AK7: variants seen among roughly 807,000 people sequenced by gnomAD.
The protein encoded by AK7 is ATP-AMP transphosphorylase 7.
AK7 carries 78 observed loss-of-function variants against 96.6 expected under a neutral mutation model. The ratio of observed to expected loss-of-function variants is 0.81; its 90% CI spans 0.67 to 0.97. AK7 has a LOEUF of 0.97. AK7 is among the 50% of genes least tolerant of loss of function. AK7 has a pLI of 0.00. For synonymous variants in AK7, 302 were observed against 317.2 expected (o/e 0.95, Z 0.51); for missense variants, 855 against 887.9 (o/e 0.96, Z 0.47).
intron 4 of AK7, among the ~76,000 whole-genome samples, 171 bp from the exon 5 acceptor site, chr14:96,420,651 G>C (rs1891625919): frequency 6.6e-6 from 1 of 152,044 alleles, no homozygotes; most frequent in South Asian, 2.1e-4. Context: ...TTGAGCCCAA[G>C]AGTTCAAGAC....
At chr14:96,396,255 C>T (rs1303225872) in intron 1 of AK7, among the ~76,000 whole-genome samples, 5 of 152,070 alleles carry the variant, frequency 3.3e-5, no homozygotes, top group Non-Finnish European at 5.9e-5. Flanking sequence ...TCTAGTTGGT[C>T]CTTAATTAAT....
chr14:96,394,782 C>T (rs922010558), intron 1 of AK7, among the ~76,000 whole-genome samples: 1 of 152,176 alleles, frequency 6.6e-6, no homozygotes, highest in African/African-American at 2.4e-5. Flanking sequence ...TCGAGACTAG[C>T]CTGGCCAACA....
intron 12 of AK7, among the ~76,000 whole-genome samples, chr14:96,462,167 G>A (rs762043612): frequency 2.0e-4 from 31 of 152,272 alleles, no homozygotes; most frequent in Non-Finnish European, 3.5e-4. Flanking sequence ...AGGGGCCCTG[G>A]GAGGGGGCAG....
chr14:96,446,494 T>A lies in AK7; in HGVS notation c.780-23T>A, dbSNP rs779100625. 5.0e-6 allele frequency: 8 copies of A among 1,606,216 alleles called. 1 individual carries two copies. In the East Asian group the frequency reaches 1.8e-4, roughly 36 times the overall value. On this transcript the variant is annotated intron_variant, in intron 7 of 17. Coordinates refer to ENST00000267584, the MANE Select transcript of AK7 (RefSeq NM_152327.5). ...CTCTTTCGCTTTTTCCCTTTGATGA[T>A]TATTTTACCTGTGGGTCTGCAGAGT...
At chr14:96,419,305 A>G (rs1232263235) in intron 4 of AK7, among the ~76,000 whole-genome samples, 7 of 152,220 alleles carry the variant, frequency 4.6e-5, no homozygotes, top group Non-Finnish European at 1.5e-5. Flanking sequence ...GCAAAGAAAA[A>G]AAAAGAAAAA....
intron 3 of AK7, chr14:96,405,083 T>C (rs1012826694): frequency 7.2e-6 from 2 of 276,300 alleles, no homozygotes; most frequent in African/African-American, 4.3e-5. Context: ...CACTGACTCA[T>C]GCCTGTAATC....
At position 96,399,317 on chromosome 14, in the gene AK7, T is replaced by C. The variant is rs929764961; in HGVS notation, c.294+1054T>C. ...ACGAATGCATCCCCTCCAGACATCTTTGGGACCTTCCCATTCACCTCCTTC... is the reference window on the plus strand; with the variant it reads ...ACGAATGCATCCCCTCCAGACATCTCTGGGACCTTCCCATTCACCTCCTTC... On this transcript the variant is annotated intron_variant, in intron 2 of 17. Coordinates refer to ENST00000267584, the MANE Select transcript of AK7 (RefSeq NM_152327.5). This position sits in a 1 kb window ranked among gnomAD's most constrained non-coding sequence, Gnocchi z 4.1. 1.3e-5 allele frequency: 2 copies of C among 152,332 alleles called. No individual in the cohort carries two copies. Among genetic ancestry groups the C allele is most frequent in the East Asian group, 1.9e-4 (1 of 5,192 alleles). The allele number at this position is 152,332 out of a possible 1,614,324, so 9.4% of individuals were successfully genotyped here. A position where few individuals can be genotyped will look rare whatever the true frequency, so the allele number is the denominator to read the frequency against.
chr14:96,448,125 T>C (rs1225130670), intron 8 of AK7, among the ~76,000 whole-genome samples: 5 of 135,820 alleles, frequency 3.7e-5, no homozygotes, highest in African/African-American at 5.5e-5. Flanking sequence ...TGAGACCCTG[T>C]CAAAAAAAAA....
At chr14:96,412,011 C>T (rs1292606329) in intron 4 of AK7, among the ~76,000 whole-genome samples, 1 of 152,154 alleles carries the variant, frequency 6.6e-6, no homozygotes, top group Non-Finnish European at 1.5e-5. Flanking sequence ...TTGTCATTGT[C>T]ACAGGAAGTC....
At chr14:96,465,183 C>T (rs369187204) in intron 12 of AK7, among the ~76,000 whole-genome samples, 9 of 152,156 alleles carry the variant, frequency 5.9e-5, no homozygotes, top group Non-Finnish European at 8.8e-5. Flanking sequence ...AAAATAAGAA[C>T]GGGTGCCGTG....
chr14:96,448,058 G>A (rs1309756958), intron 8 of AK7, among the ~76,000 whole-genome samples: 2 of 151,546 alleles, frequency 1.3e-5, no homozygotes, highest in East Asian at 2.0e-4. Flanking sequence ...GAGCCCAGGA[G>A]GCAGAGGTTG....
chr14:96,401,122 C>G (rs925398636), intron 2 of AK7, among the ~76,000 whole-genome samples: 3 of 152,136 alleles, frequency 2.0e-5, no homozygotes, highest in Non-Finnish European at 4.4e-5. Context: ...TCTCTCACTA[C>G]TCACCTGAAT....
At chr14:96,470,435 T>C (rs1056726199) in intron 12 of AK7, among the ~76,000 whole-genome samples, 1 of 152,212 alleles carries the variant, frequency 6.6e-6, no homozygotes, top group African/African-American at 2.4e-5. Flanking sequence ...TGGGGCTGCG[T>C]TTTGAACATT....
chr14:96,410,226 T>G (rs946441278), intron 4 of AK7, among the ~76,000 whole-genome samples: 1 of 152,214 alleles, frequency 6.6e-6, no homozygotes, highest in Non-Finnish European at 1.5e-5. Flanking sequence ...TTTACTCAAC[T>G]ACTTTGGATG....
At chr14:96,443,753 T>A (rs1893079124) in intron 7 of AK7, among the ~76,000 whole-genome samples, 1 of 147,638 alleles carries the variant, frequency 6.8e-6, no homozygotes. Flanking sequence ...TGATGAGCTT[T>A]AAAAAAAATA....
Position 96,478,494 on chromosome 14 carries a change from G to C in AK7, c.1585G>C (p.Glu529Gln), listed in dbSNP as rs764424613. The change falls in exon 15 of 18, where the codon GAG becomes CAG. Residue 529 changes from glutamate (E) to glutamine (Q), a missense_variant. By Grantham distance (29) the Glu-to-Gln change is conservative. Transcript: ENST00000267584. ...EFVCALDASD[E>Q]FLKERVINLP... Reference sequence around the variant, plus strand: ...CGTTTGTGCACTGGATGCTTCGGATGAGTTTCTGAAGGAGCGTGTGATAAA... The same window carrying C: ...CGTTTGTGCACTGGATGCTTCGGATCAGTTTCTGAAGGAGCGTGTGATAAA... 1 of 1,614,164 alleles carries C rather than the reference G, an allele frequency of 6.2e-7. No individual in the cohort carries two copies. The highest frequency in any genetic ancestry group is 1.1e-5 in the South Asian group (1 of 91,082).
At chr14:96,414,310 C>T (rs1442674845) in intron 4 of AK7, among the ~76,000 whole-genome samples, 1 of 152,190 alleles carries the variant, frequency 6.6e-6, no homozygotes, top group African/African-American at 2.4e-5. Flanking sequence ...AAGAGATGCT[C>T]ATCACTTCTG....
Position 96,398,351 on chromosome 14 carries a change from C to T in AK7, c.294+88C>T, listed in dbSNP as rs115678716. ...CTTGACAACTTGTTTTACTGTTTGC[C>T]TCCCCTCCCCTCTCTTCCACAGACA... On this transcript the variant is annotated intron_variant, in intron 2 of 17. Coordinates refer to ENST00000267584, the MANE Select transcript of AK7 (RefSeq NM_152327.5). 2.1e-3 allele frequency: 2,807 copies of T among 1,364,548 alleles called. 57 individuals are homozygous for T. The African/African-American group carries it at 0.035, about 17-fold the overall frequency. 84.5% of individuals were successfully genotyped at this position (1,364,548 alleles called of 1,614,324 possible).
chr14:96,483,070 C>G lies in AK7; in HGVS notation c.1825C>G (p.Arg609Gly), dbSNP rs778246524. The G allele has an allele frequency of 6.2e-7, 1 of 1,613,952 alleles. No individual in the cohort carries two copies. The highest frequency in any genetic ancestry group is 1.3e-5 in the African/African-American group (1 of 74,874). Reference sequence around the variant, plus strand: ...GCTCATCAAAGAGATTGGGGAGCCTCGAAATTATGGTTTAACAGACGAAGA... The same window carrying G: ...GCTCATCAAAGAGATTGGGGAGCCTGGAAATTATGGTTTAACAGACGAAGA... ...KQLIKEIGEPRNYGLTDEEKA... is the reference protein window; with the variant it reads ...KQLIKEIGEPGNYGLTDEEKA... The change falls in exon 16 of 18, where the codon CGA (arginine) becomes GGA (glycine). Residue 609 changes from arginine (R) to glycine (G), a missense_variant. By Grantham distance (125) the Arg-to-Gly change is moderately radical. Coordinates refer to ENST00000267584, the MANE Select transcript of AK7 (RefSeq NM_152327.5).
Sources: allele counts gnomAD v4.1 joint callset (sites outside exome capture counted in the v4.1 genomes callset), GRCh38; gene constraint gnomAD v4.1.1; non-coding constraint Gnocchi (gnomAD v3.1); transcripts MANE v1.5; gene names NCBI Gene and HGNC (gene_info 2026-07-23, HGNC 2026-07-21).